Variants in DOCK8 observed in about 807,000 individuals in gnomAD.
The protein encoded by DOCK8 is dedicator of cytokinesis 8.
A neutral mutation model predicts 245.6 loss-of-function variants in DOCK8; 141 were observed. That is an observed-to-expected ratio of 0.57 (90% CI 0.50 to 0.66). The LOEUF (loss-of-function observed/expected upper bound fraction) is 0.66, where lower values mean the gene tolerates loss of function less well. Ranked by LOEUF, DOCK8 falls within the 30% of genes least tolerant of loss-of-function variation. The probability of loss-of-function intolerance (pLI) is 0.00; values close to 1 mark genes in which losing one functional copy is unlikely to be tolerated. For synonymous variants in DOCK8, 1,168 were observed against 970.2 expected (o/e 1.20, Z -3.79); for missense variants, 2,965 against 2,603.4 (o/e 1.14, Z -3.02).
In DOCK8 at chr9:449,776, A is replaced by T. The variant is rs747706247; in HGVS notation, c.5818-8A>T. The T allele has an allele frequency of 4.3e-6, 7 of 1,612,428 alleles. No individual in the cohort carries two copies. In the East Asian group the frequency reaches 1.3e-4, roughly 31 times the overall value. On this transcript the variant is annotated splice_polypyrimidine_tract_variant and splice_region_variant and intron_variant, in intron 44 of 47. Coordinates refer to ENST00000432829, the MANE Select transcript of DOCK8 (RefSeq NM_203447.4). ...AGTGACTTCCCTATGTTTACGTCTC[A>T]TGTTCAGTTTGTTTTGACACCGATT...
chr9:419,088 G>T (rs530237177), intron 30 of DOCK8, among the ~76,000 whole-genome samples: 1 of 152,184 alleles, frequency 6.6e-6, no homozygotes, highest in Admixed American at 6.5e-5. Flanking sequence ...GTTCATTGAT[G>T]AGCTCTGACT....
intron 36 of DOCK8, among the ~76,000 whole-genome samples, chr9:430,723 C>G (rs1310208798): frequency 2.0e-5 from 3 of 151,376 alleles, no homozygotes; most frequent in Non-Finnish European, 4.4e-5. Context: ...TAAAAGTTAT[C>G]ATCTGTGGGG....
intron 22 of DOCK8, among the ~76,000 whole-genome samples, chr9:384,415 A>T (rs1203970331): frequency 1.3e-5 from 2 of 152,200 alleles, no homozygotes; most frequent in African/African-American, 4.8e-5. Flanking sequence ...ACACAGACAC[A>T]GTTTCACCCT....
At chr9:244,351 A>T (rs1322628028) in intron 1 of DOCK8, among the ~76,000 whole-genome samples, 1 of 151,924 alleles carries the variant, frequency 6.6e-6, no homozygotes, top group Non-Finnish European at 1.5e-5. Context: ...TTTCCAATTC[A>T]TTCAACATTT....
At chr9:340,488 G>T in intron 14 of DOCK8, 167 bp downstream of exon 14, 1 of 802,506 alleles carries the variant, frequency 1.2e-6, no homozygotes, top group Admixed American at 2.2e-5. Flanking sequence ...GGGCATGGTG[G>T]TGCATGCTTG....
intron 1 of DOCK8, among the ~76,000 whole-genome samples, chr9:247,772 C>G (rs1281764679): frequency 6.6e-6 from 1 of 152,104 alleles, no homozygotes; most frequent in Non-Finnish European, 1.5e-5. Flanking sequence ...CTCCTGACCT[C>G]GTGATCCACC....
intron 7 of DOCK8, among the ~76,000 whole-genome samples, chr9:324,254 C>T (rs1038711899): frequency 6.6e-6 from 1 of 152,182 alleles, no homozygotes; most frequent in African/African-American, 2.4e-5. Context: ...CATATTCTGT[C>T]CAAATATTCT....
intron 1 of DOCK8, among the ~76,000 whole-genome samples, chr9:223,185 AC>A (rs2046921513): frequency 6.6e-6 from 1 of 152,186 alleles, no homozygotes; most frequent in Non-Finnish European, 1.5e-5. Context: ...TGTGATAGAG[AC>A]CAAAAATACA....
intron 7 of DOCK8, among the ~76,000 whole-genome samples, chr9:323,069 G>T (rs2050591510): frequency 6.7e-6 from 1 of 148,750 alleles, no homozygotes. Context: ...CTCCACCCTG[G>T]GTGACAAGAG....
At chr9:396,285 G>C (rs369828401) in intron 24 of DOCK8, among the ~76,000 whole-genome samples, 10 of 152,276 alleles carry the variant, frequency 6.6e-5, no homozygotes, top group Middle Eastern at 3.4e-3. Flanking sequence ...GAAAAACTGT[G>C]CTCCCTCGAG....
At chr9:450,025 A>T in intron 45 of DOCK8, 98 bp downstream of exon 45, 1 of 1,343,896 alleles carries the variant, frequency 7.4e-7, no homozygotes, top group Non-Finnish European at 1.0e-6. Context: ...GAGGACTTTG[A>T]TCCATAGACA....
At chr9:405,166 T>C (rs952878134) in intron 27 of DOCK8, 93 bp downstream of exon 27, 61 of 1,324,514 alleles carry the variant, frequency 4.6e-5, no homozygotes, top group Non-Finnish European at 6.2e-5. Flanking sequence ...AGGTTAGTCT[T>C]ATTAATTTGA....
At chr9:380,922 A>C (rs963894679) in intron 21 of DOCK8, 1 of 154,628 alleles carries the variant, frequency 6.5e-6, no homozygotes, top group Admixed American at 6.4e-5. Flanking sequence ...ACATAATGAG[A>C]CTCTGTCTCT....
chr9:368,470 T>C, intron 15 of DOCK8: 1 of 601,240 alleles, frequency 1.7e-6, no homozygotes, highest in South Asian at 2.0e-5. Flanking sequence ...GTGCGCCATG[T>C]TTGCTGAGTG....
intron 4 of DOCK8, among the ~76,000 whole-genome samples, chr9:296,834 A>C (rs73639044): frequency 0.015 from 2,265 of 152,244 alleles, 61 homozygotes; most frequent in African/African-American, 0.052. Context: ...CCTGTTGTGC[A>C]TAGACTCCCT....
intron 5 of DOCK8, among the ~76,000 whole-genome samples, chr9:305,242 G>C (rs1020153069): frequency 6.6e-6 from 1 of 152,160 alleles, no homozygotes; most frequent in Admixed American, 6.5e-5. Context: ...TTAGTGCCTA[G>C]TCAATGCTGG....
At chr9:409,852 A>G (rs1037403015) in intron 28 of DOCK8, among the ~76,000 whole-genome samples, 9 of 151,952 alleles carry the variant, frequency 5.9e-5, no homozygotes, top group African/African-American at 2.2e-4. Context: ...AGCTTCATCC[A>G]TGTCCCTACA....
At chr9:301,614 A>G (rs888175192) in intron 4 of DOCK8, among the ~76,000 whole-genome samples, 3 of 152,244 alleles carry the variant, frequency 2.0e-5, no homozygotes, top group African/African-American at 7.2e-5. Context: ...AGACCCTGCT[A>G]AAAGGCTCCT....
intron 1 of DOCK8, among the ~76,000 whole-genome samples, chr9:261,784 A>G (rs62531336): frequency 1.3e-5 from 2 of 152,068 alleles, no homozygotes; most frequent in Non-Finnish European, 2.9e-5. Context: ...TACTTGGTAC[A>G]TACATATTTA....
Sources: gnomAD v4.1 joint callset for allele counts (sites outside exome capture counted in the v4.1 genomes callset) on GRCh38, gnomAD v4.1.1 for gene constraint, MANE v1.5 for transcripts, NCBI Gene and HGNC (gene_info 2026-07-23, HGNC 2026-07-21) for gene names.